TANC1: variants seen among roughly 807,000 people sequenced by gnomAD.
TANC1 encodes protein TANC1.
A neutral mutation model predicts 149.7 loss-of-function variants in TANC1; 77 were observed. The observed-to-expected ratio is 0.51, with a 90% confidence interval of 0.43 to 0.62. The LOEUF (loss-of-function observed/expected upper bound fraction) is 0.62. Ranked by LOEUF, TANC1 falls within the 20% of genes least tolerant of loss-of-function variation. The pLI is 0.00. For synonymous variants in TANC1, 854 were observed against 925.0 expected, an observed-to-expected ratio of 0.92 and a Z score of 1.39; for missense variants, 1,985 against 2,321.8, an observed-to-expected ratio of 0.85 and a Z score of 2.98.
intron 2 of TANC1, among the ~76,000 whole-genome samples, chr2:159,004,477 A>G (rs1235178312): frequency 6.6e-6 from 1 of 151,638 alleles, no homozygotes; most frequent in Admixed American, 6.6e-5. Context: ...TTTTTCAGTC[A>G]TTTGATTTTG....
At chr2:158,994,687 A>C (rs1235950695) in intron 1 of TANC1, among the ~76,000 whole-genome samples, 2 of 152,184 alleles carry the variant, frequency 1.3e-5, no homozygotes, top group Non-Finnish European at 2.9e-5. Context: ...GTTATTTTTG[A>C]TTTGTAACTT....
intron 4 of TANC1, among the ~76,000 whole-genome samples, chr2:159,122,812 C>T (rs2048997588): frequency 6.7e-6 from 1 of 149,350 alleles, no homozygotes; most frequent in Non-Finnish European, 1.5e-5. Flanking sequence ...AGTGGTTCTA[C>T]CATTTTGCAT....
chr2:159,124,766 G>A (rs2049223411), intron 4 of TANC1, among the ~76,000 whole-genome samples: 1 of 151,446 alleles, frequency 6.6e-6, no homozygotes, highest in South Asian at 2.1e-4. Context: ...CAGAGACAGG[G>A]CCTCATTTTA....
chr2:159,080,924 A>G (rs1053116600), intron 3 of TANC1, among the ~76,000 whole-genome samples: 1 of 152,142 alleles, frequency 6.6e-6, no homozygotes, highest in Non-Finnish European at 1.5e-5. Flanking sequence ...TTGGTATGGT[A>G]TTGTGATTAG....
At chr2:159,087,485 CGTT>C (rs2045036020) in intron 3 of TANC1, among the ~76,000 whole-genome samples, 1 of 111,468 alleles carries the variant, frequency 9.0e-6, no homozygotes, top group Admixed American at 9.2e-5. Context: ...TTTTTTTTGT[CGTT>C]GTTTGTTGTT....
At chr2:159,199,438 C>T (rs139523602) in intron 19 of TANC1, among the ~76,000 whole-genome samples, 9 of 152,328 alleles carry the variant, frequency 5.9e-5, no homozygotes, top group South Asian at 4.1e-4. Context: ...CATCGTCACA[C>T]GAATCAAAGG....
intron 4 of TANC1, among the ~76,000 whole-genome samples, chr2:159,120,312 G>A (rs1378009396): frequency 6.6e-6 from 1 of 152,174 alleles, no homozygotes. Context: ...GGCACTGTGG[G>A]ATAGGGAGTA....
intron 1 of TANC1, among the ~76,000 whole-genome samples, chr2:158,983,397 G>A (rs1347499647): frequency 6.7e-6 from 1 of 148,192 alleles, no homozygotes; most frequent in Non-Finnish European, 1.5e-5. Context: ...AACCCGGGAG[G>A]CGGAGCTTGC....
intron 1 of TANC1, among the ~76,000 whole-genome samples, chr2:158,974,110 A>G (rs1230044642): frequency 2.0e-5 from 3 of 152,220 alleles, no homozygotes; most frequent in Admixed American, 6.5e-5. Context: ...GTAGAATACT[A>G]TGGCAGGGAT....
chr2:159,064,907 T>C (rs185000334), intron 2 of TANC1, among the ~76,000 whole-genome samples: 3 of 152,258 alleles, frequency 2.0e-5, no homozygotes, highest in African/African-American at 7.2e-5. Flanking sequence ...CTCTGCTCCC[T>C]TCCCCGTCCT....
chr2:159,209,627 G>C (rs1005610195), intron 19 of TANC1, among the ~76,000 whole-genome samples: 1 of 152,172 alleles, frequency 6.6e-6, no homozygotes, highest in African/African-American at 2.4e-5. Flanking sequence ...TAGCCACTTA[G>C]AGTCAGTTAC....
intron 3 of TANC1, among the ~76,000 whole-genome samples, chr2:159,086,897 G>T (rs2044929530): frequency 6.6e-6 from 1 of 151,428 alleles, no homozygotes; most frequent in African/African-American, 2.4e-5. Flanking sequence ...ATGTTCATAT[G>T]GTAAACTGAT....
chr2:159,081,546 T>C (rs901602791), intron 3 of TANC1, among the ~76,000 whole-genome samples: 20 of 151,894 alleles, frequency 1.3e-4, no homozygotes, highest in Admixed American at 6.6e-5. Context: ...GCTTCCCAAA[T>C]GGAGATGTGG....
At chr2:159,160,631 GTGTC>G (rs2053955306) in intron 7 of TANC1, among the ~76,000 whole-genome samples, 2 of 152,190 alleles carry the variant, frequency 1.3e-5, no homozygotes, top group African/African-American at 4.8e-5. Flanking sequence ...CAAGATGAGA[GTGTC>G]TGGGCTTCCA....
At chr2:158,990,475 G>C (rs1392218251) in intron 1 of TANC1, among the ~76,000 whole-genome samples, 1 of 152,222 alleles carries the variant, frequency 6.6e-6, no homozygotes, top group African/African-American at 2.4e-5. Flanking sequence ...CCAAGACCCA[G>C]GTTGAGGCTG....
chr2:159,147,839 G>A (rs2052312398), intron 5 of TANC1: 1 of 152,230 alleles, frequency 6.6e-6, no homozygotes, highest in South Asian at 2.1e-4. Context: ...TTCCTTTCTT[G>A]AAGATGCTGC....
chr2:158,996,631 T>A (rs1332037444), intron 1 of TANC1, among the ~76,000 whole-genome samples: 3 of 152,234 alleles, frequency 2.0e-5, no homozygotes, highest in Non-Finnish European at 4.4e-5. Flanking sequence ...TTTTATTGAA[T>A]GACTTCCAGC....
chr2:158,992,772 G>A (rs1327021579), intron 1 of TANC1, among the ~76,000 whole-genome samples: 4 of 150,732 alleles, frequency 2.7e-5, no homozygotes, highest in African/African-American at 4.9e-5. Flanking sequence ...CACCCGCCTC[G>A]GCTTCCCAAA....
At chr2:159,128,094 C>T (rs2049668102) in intron 4 of TANC1, among the ~76,000 whole-genome samples, 1 of 152,154 alleles carries the variant, frequency 6.6e-6, no homozygotes, top group African/African-American at 2.4e-5. Flanking sequence ...AGGTGACACA[C>T]TTTTTTGTCT....
Sources: allele counts gnomAD v4.1 joint callset (sites outside exome capture counted in the v4.1 genomes callset), GRCh38; gene constraint gnomAD v4.1.1; transcripts MANE v1.5; gene names NCBI Gene and HGNC (gene_info 2026-07-23, HGNC 2026-07-21).